The following PRKG1 variants were observed in gnomAD, a reference collection of about 807,000 sequenced individuals.
PRKG1 encodes the protein cGMP-dependent protein kinase 1.
PRKG1 carries 35 observed loss-of-function variants against 88.1 expected under a neutral mutation model. The ratio of observed to expected loss-of-function variants is 0.40; its 90% CI spans 0.30 to 0.53. PRKG1 has a LOEUF of 0.53. Ranked by LOEUF, PRKG1 falls within the 20% of genes least tolerant of loss-of-function variation. The pLI is 0.59. For synonymous variants in PRKG1, 303 were observed against 292.5 expected, an observed-to-expected ratio of 1.04 and a Z score of -0.37; for missense variants, 540 against 839.8, an observed-to-expected ratio of 0.64 and a Z score of 4.41.
intron 2 of PRKG1, among the ~76,000 whole-genome samples, chr10:51,163,612 G>A (rs1434741081): frequency 3.3e-5 from 5 of 152,350 alleles, no homozygotes; most frequent in Admixed American, 6.5e-5. Flanking sequence ...CTCGGGAGGC[G>A]CAAGGGGTCG....
chr10:52,253,234 A>G (rs2132403863), intron 10 of PRKG1: 1 of 152,174 alleles, frequency 6.6e-6, no homozygotes, highest in East Asian at 1.9e-4. Context: ...TTGTTGACAA[A>G]AAAAAAATCA....
intron 2 of PRKG1, among the ~76,000 whole-genome samples, chr10:51,210,892 G>A (rs879368800): frequency 2.6e-4 from 39 of 152,162 alleles, no homozygotes; most frequent in Middle Eastern, 6.3e-3. Context: ...GGTACAAGGA[G>A]GAGCTGGTAC....
At chr10:51,945,251 T>A (rs1842999125) in intron 5 of PRKG1, among the ~76,000 whole-genome samples, 1 of 149,584 alleles carries the variant, frequency 6.7e-6, no homozygotes, top group South Asian at 2.2e-4. Flanking sequence ...GTTTAAAGTG[T>A]GTTTTATCAG....
At chr10:51,691,550 A>C (rs1841144828) in intron 3 of PRKG1, among the ~76,000 whole-genome samples, 1 of 152,146 alleles carries the variant, frequency 6.6e-6, no homozygotes, top group Non-Finnish European at 1.5e-5. Context: ...TCCTGGACAC[A>C]AGCGATCCTC....
intron 1 of PRKG1, among the ~76,000 whole-genome samples, chr10:51,004,907 T>C (rs1197170275): frequency 6.6e-6 from 1 of 152,184 alleles, no homozygotes; most frequent in Non-Finnish European, 1.5e-5. Context: ...ATATTCTAGC[T>C]CCCACTTGGG....
chr10:51,521,298 A>G (rs777610333), intron 3 of PRKG1, among the ~76,000 whole-genome samples: 2 of 152,180 alleles, frequency 1.3e-5, no homozygotes, highest in African/African-American at 2.4e-5. Context: ...TCAAAAAAAC[A>G]AAAAACTACA....
intron 2 of PRKG1, among the ~76,000 whole-genome samples, chr10:51,179,569 A>G (rs1837291594): frequency 6.6e-6 from 1 of 152,184 alleles, no homozygotes; most frequent in Admixed American, 6.5e-5. Flanking sequence ...GGAAGGCTGA[A>G]AGTTTTTGAT....
intron 4 of PRKG1, among the ~76,000 whole-genome samples, chr10:51,906,899 A>T (rs2132944995): frequency 6.6e-6 from 1 of 152,316 alleles, no homozygotes; most frequent in Non-Finnish European, 1.5e-5. Context: ...CTGTCATGTG[A>T]TTCTATACTA....
At chr10:51,486,940 A>G (rs1314866390) in intron 3 of PRKG1, among the ~76,000 whole-genome samples, 3 of 152,010 alleles carry the variant, frequency 2.0e-5, no homozygotes, top group African/African-American at 4.8e-5. Flanking sequence ...TCAAATTCCA[A>G]TTAATATTCA....
At chr10:52,086,009 CT>C (rs1247691220) in intron 7 of PRKG1, among the ~76,000 whole-genome samples, 6 of 152,046 alleles carry the variant, frequency 3.9e-5, no homozygotes, top group Admixed American at 2.6e-4. Flanking sequence ...ACCTGAATTA[CT>C]TTTTTTCTCC....
chr10:51,440,781 T>A (rs1356803206), intron 2 of PRKG1, among the ~76,000 whole-genome samples: 1 of 151,876 alleles, frequency 6.6e-6, no homozygotes, highest in Admixed American at 6.6e-5. Flanking sequence ...GCTTAAAAAA[T>A]CTTTGTGGAG....
Position 51,627,854 on chromosome 10 carries a change from TTC to T in PRKG1, c.592+160021_592+160022del, listed in dbSNP as rs1839376225. The stretch of plus-strand genomic sequence containing the variant: ...TTCCTCTCCTTTCCTTTCCTTTCCT[TTC>T]TCCTTCCTTCCTTCCTTCCCTTCCC... On this transcript the variant is annotated intron_variant, in intron 3 of 17. Coordinates refer to ENST00000373980, the MANE Select transcript of PRKG1 (RefSeq NM_006258.4). 1.0e-4 allele frequency among the ~76,000 whole-genome samples: 12 copies of T among 118,828 alleles called. 1 individual carries two copies. In the South Asian group the frequency reaches 4.0e-3, roughly 40 times the overall value. The allele number at this position is 118,828 out of a possible 152,430, so 78.0% of individuals were successfully genotyped here.
chr10:51,775,297 A>C (rs1218235090), intron 3 of PRKG1, among the ~76,000 whole-genome samples: 2 of 152,174 alleles, frequency 1.3e-5, no homozygotes, highest in Non-Finnish European at 2.9e-5. Context: ...TAAAGTAGTT[A>C]ATGGTCTTCA....
chr10:52,138,986 A>G (rs980090481), intron 8 of PRKG1, among the ~76,000 whole-genome samples: 16 of 152,232 alleles, frequency 1.1e-4, no homozygotes, highest in African/African-American at 3.8e-4. Flanking sequence ...ATTACTGAAG[A>G]GGATTAGACA....
intron 1 of PRKG1, among the ~76,000 whole-genome samples, chr10:51,017,198 A>G (rs1207752535): frequency 6.6e-6 from 1 of 152,002 alleles, no homozygotes; most frequent in African/African-American, 2.4e-5. Context: ...AATCCCTCTT[A>G]TGTGCTCCTG....
chr10:52,165,370 G>A (rs921345386), intron 9 of PRKG1, among the ~76,000 whole-genome samples: 6 of 152,012 alleles, frequency 3.9e-5, no homozygotes, highest in South Asian at 2.1e-4. Flanking sequence ...TTGTTTCTCC[G>A]TATTGAATTT....
intron 1 of PRKG1, among the ~76,000 whole-genome samples, chr10:51,126,172 T>G (rs1312164235): frequency 8.3e-6 from 1 of 120,972 alleles, no homozygotes; most frequent in Non-Finnish European, 1.6e-5. Context: ...ATGTAATTAT[T>G]TATATATTTA....
chr10:51,537,892 A>T lies in PRKG1; in HGVS notation c.592+70056A>T, dbSNP rs141998999. ...ACAAGAACAGTACACTTTGAGAACT[A>T]CTGATTTATATGAAAGCTCCATGAG... On this transcript the variant is annotated intron_variant, in intron 3 of 17. Transcript: ENST00000373980. 1.2e-4 allele frequency among the ~76,000 whole-genome samples: 18 copies of T among 152,278 alleles called. No homozygotes were observed. In the East Asian group the frequency reaches 3.5e-3, roughly 29 times the overall value.
At chr10:52,232,337 A>C (rs957302781) in intron 9 of PRKG1, among the ~76,000 whole-genome samples, 27 of 152,132 alleles carry the variant, frequency 1.8e-4, no homozygotes, top group African/African-American at 6.0e-4. Flanking sequence ...AAACAAAAAA[A>C]AAAGAATGTT....
Sources: gnomAD v4.1 joint callset for allele counts (sites outside exome capture counted in the v4.1 genomes callset) on GRCh38, gnomAD v4.1.1 for gene constraint, MANE v1.5 for transcripts, NCBI Gene and HGNC (gene_info 2026-07-23, HGNC 2026-07-21) for gene names.